IL17RD: variants seen among roughly 807,000 people sequenced by gnomAD.
IL17RD encodes interleukin 17 receptor D.
A neutral mutation model predicts 80.5 loss-of-function variants in IL17RD; 52 were observed. The ratio of observed to expected loss-of-function variants is 0.65; its 90% CI spans 0.52 to 0.81. The LOEUF (loss-of-function observed/expected upper bound fraction) is 0.81, where lower values mean the gene tolerates loss of function less well. Among genes scored for constraint, IL17RD ranks in the 40% least tolerant of loss-of-function variants. The pLI, the probability that IL17RD is intolerant of heterozygous loss-of-function variation, is 0.00. For synonymous variants in IL17RD, 416 were observed against 391.8 expected, an observed-to-expected ratio of 1.06 and a Z score of -0.73; for missense variants, 1,024 against 955.1, an observed-to-expected ratio of 1.07 and a Z score of -0.95.
chr3:57,108,060 T>C (rs943329410), intron 5 of IL17RD, among the ~76,000 whole-genome samples: 2 of 149,780 alleles, frequency 1.3e-5, no homozygotes, highest in Non-Finnish European at 3.0e-5. Flanking sequence ...TTTTATTCCT[T>C]TTTTTTTTTT....
intron 1 of IL17RD, among the ~76,000 whole-genome samples, chr3:57,124,595 C>T (rs1293251620): frequency 6.6e-6 from 1 of 152,144 alleles, no homozygotes; most frequent in African/African-American, 2.4e-5. Flanking sequence ...AATGAATCCT[C>T]CCCTACAGCC....
chr3:57,149,172 T>C (rs1707999972), intron 1 of IL17RD, among the ~76,000 whole-genome samples: 1 of 152,076 alleles, frequency 6.6e-6, no homozygotes, highest in Non-Finnish European at 1.5e-5. Context: ...GGCACTTGTC[T>C]GTCATCCCAG....
rs1330879297 is a variant in IL17RD at position 57,154,052 on chromosome 3, C to T, written c.126+11109G>A. 3.3e-5 allele frequency among the ~76,000 whole-genome samples: 5 copies of T among 151,648 alleles called. No individual in the cohort carries two copies. In the East Asian group the frequency reaches 9.7e-4, roughly 29 times the overall value. The stretch of plus-strand genomic sequence containing the variant: ...CTTGAGGCCAGGAGTTCGAGACTAG[C>T]CTGAGTAACACAGTGAAACTCTGTC... On this transcript the variant is annotated intron_variant, in intron 1 of 12. Coordinates refer to ENST00000296318, the MANE Select transcript of IL17RD (RefSeq NM_017563.5).
At chr3:57,158,134 C>T (rs1463211880) in intron 1 of IL17RD, among the ~76,000 whole-genome samples, 1 of 152,122 alleles carries the variant, frequency 6.6e-6, no homozygotes, top group African/African-American at 2.4e-5. Context: ...ATTTCCATTC[C>T]GTTTTCAAAG....
At chr3:57,145,420 C>G (rs1046555697) in intron 1 of IL17RD, among the ~76,000 whole-genome samples, 1 of 152,126 alleles carries the variant, frequency 6.6e-6, no homozygotes, top group East Asian at 1.9e-4. Flanking sequence ...CCTCCATGTA[C>G]GCAAGCAACA....
chr3:57,114,902 G>T, intron 2 of IL17RD, 85 bp from the exon 3 acceptor site: 1 of 1,156,292 alleles, frequency 8.6e-7, no homozygotes. Flanking sequence ...AACAGGGCAT[G>T]TCTGAAGGTG....
At chr3:57,142,362 T>G (rs1707844594) in intron 1 of IL17RD, 3 of 480,260 alleles carry the variant, frequency 6.2e-6, no homozygotes, top group Non-Finnish European at 1.2e-5. Context: ...TTCTTTCTTT[T>G]GTGGAGAAGT....
chr3:57,126,565 C>T (rs887728243), intron 1 of IL17RD, among the ~76,000 whole-genome samples: 2 of 152,260 alleles, frequency 1.3e-5, no homozygotes, highest in South Asian at 4.1e-4. Context: ...AGACAGCCAA[C>T]TTCCTGAGGG....
intron 1 of IL17RD, among the ~76,000 whole-genome samples, chr3:57,128,684 A>T (rs1707545865): frequency 6.6e-6 from 1 of 152,038 alleles, no homozygotes; most frequent in African/African-American, 2.4e-5. Flanking sequence ...ATGGAACTGC[A>T]TATATTTTTT....
intron 1 of IL17RD, among the ~76,000 whole-genome samples, chr3:57,131,278 G>C: frequency 6.6e-6 from 1 of 152,152 alleles, no homozygotes; most frequent in Non-Finnish European, 1.5e-5. Context: ...TACAGAAAGA[G>C]CCTCCAAACC....
chr3:57,134,489 C>T (rs1357571299), intron 1 of IL17RD: 2 of 1,013,038 alleles, frequency 2.0e-6, no homozygotes, highest in African/African-American at 3.1e-5. Flanking sequence ...TTGATCACCA[C>T]ACATATCACA....
intron 3 of IL17RD, 67 bp from the exon 4 acceptor site, chr3:57,110,378 C>A (rs1269424935): frequency 6.7e-7 from 1 of 1,491,194 alleles, no homozygotes; most frequent in East Asian, 2.5e-5. Flanking sequence ...CTTCTTCCTC[C>A]AAGATTACCA....
At position 57,103,508 on chromosome 3, in the gene IL17RD, G is replaced by GT. The variant is rs139541024; in HGVS notation, c.814-364dup. 5.8e-3 allele frequency among the ~76,000 whole-genome samples: 887 copies of GT among 152,296 alleles called. 7 individuals are homozygous for GT. Among genetic ancestry groups the GT allele is most frequent in the African/African-American group, 0.02 (833 of 41,560 alleles). The stretch of plus-strand genomic sequence containing the variant: ...GCCTCCATTAATGCTTTAAGAAGGT[G>GT]TATCAGTCAAAAACCACACACTGCT... On this transcript the variant is annotated intron_variant, in intron 8 of 12. Transcript: ENST00000296318.
intron 2 of IL17RD, among the ~76,000 whole-genome samples, chr3:57,115,108 T>C (rs1707187775): frequency 6.6e-6 from 1 of 152,222 alleles, no homozygotes; most frequent in Non-Finnish European, 1.5e-5. Context: ...TGTGTGTACC[T>C]GGCATTAACT....
Position 57,120,281 on chromosome 3 carries a change from C to A in IL17RD, c.159G>T (p.Leu53=). 1 of 1,613,606 alleles carries A rather than the reference C, an allele frequency of 6.2e-7. No homozygotes were observed. The highest frequency in any genetic ancestry group is 8.5e-7 in the Non-Finnish European group (1 of 1,179,498). Residue 53 remains leucine (L), a synonymous_variant, in exon 2 of 13, where the codon CTG becomes CTT. Transcript: ENST00000296318. ...TGTCATATTTGAAGGTGATGTTGTA[C>A]AGCCCACTGTTTCTGCTGGCTGGCC... ...GVGPASRNSG[L]YNITFKYDNC...
intron 5 of IL17RD, 98 bp downstream of exon 5, chr3:57,109,439 C>A: frequency 7.2e-7 from 1 of 1,390,114 alleles, no homozygotes; most frequent in Non-Finnish European, 9.8e-7. Flanking sequence ...GCCACCGCGC[C>A]CGGCCTTGGC....
At chr3:57,166,133 A>G (rs1559490861), upstream of IL17RD, among the ~76,000 whole-genome samples, 1 of 152,136 alleles carries the variant, frequency 6.6e-6, no homozygotes, top group Non-Finnish European at 1.5e-5. Flanking sequence ...AGGCTCAGAG[A>G]AGTGGAGTAG....
chr3:57,094,400 ACT>A lies in IL17RD; in HGVS notation c.*1991_*1992del, dbSNP rs1271448376. On this transcript the variant is annotated 3_prime_UTR_variant, in exon 13 of 13. Transcript: ENST00000296318. ...AAAACATCCCGATTTTTTAACTAGCACTCTCTTTTTCTCTTCCATTTTCTTAA... is the reference window on the plus strand; with the variant it reads ...AAAACATCCCGATTTTTTAACTAGCACTCTTTTTCTCTTCCATTTTCTTAA... The A allele has an allele frequency of 6.6e-6, 1 of 151,898 alleles. No individual in the cohort carries two copies. Among genetic ancestry groups the A allele is most frequent in the Non-Finnish European group, 1.5e-5 (1 of 67,970 alleles). 9.4% of individuals were successfully genotyped at this position (151,898 alleles called of 1,614,324 possible). A position where few individuals can be genotyped will look rare whatever the true frequency, so the allele number is the denominator to read the frequency against.
chr3:57,119,846 T>G (rs1041948336), intron 2 of IL17RD, among the ~76,000 whole-genome samples: 1 of 152,198 alleles, frequency 6.6e-6, no homozygotes, highest in Non-Finnish European at 1.5e-5. Flanking sequence ...GCCACCATAT[T>G]TGGAATTAAG....
Sources: gnomAD v4.1 joint callset for allele counts (sites outside exome capture counted in the v4.1 genomes callset) on GRCh38, gnomAD v4.1.1 for gene constraint, MANE v1.5 for transcripts, NCBI Gene and HGNC (gene_info 2026-07-23, HGNC 2026-07-21) for gene names.